The following HMGCLL1 variants were observed in gnomAD, a reference collection of about 807,000 sequenced individuals.
The protein encoded by HMGCLL1 is 3-hydroxy-3-methylglutaryl-CoA lyase like 1.
In HMGCLL1, 36 loss-of-function variants were observed where a neutral mutation model predicts 39.1. That is an observed-to-expected ratio of 0.92 (90% confidence interval 0.71 to 1.22). The LOEUF (loss-of-function observed/expected upper bound fraction) is 1.22. Among genes scored for constraint, HMGCLL1 ranks in the 50% most tolerant of loss-of-function variants. HMGCLL1 has a pLI of 0.00. For synonymous variants in HMGCLL1, 149 were observed against 144.0 expected (o/e 1.03, Z -0.25); for missense variants, 451 against 416.5 (o/e 1.08, Z -0.72).
At chr6:55,600,201 T>C in the HMGCLL1 span, among the ~76,000 whole-genome samples, 2 of 152,156 alleles carry the variant, frequency 1.3e-5, no homozygotes, top group East Asian at 1.9e-4. Flanking sequence ...AAATTATTGT[T>C]GACATTTTAA....
upstream of HMGCLL1, among the ~76,000 whole-genome samples, chr6:55,580,505 C>A (rs1343043226): frequency 2.7e-5 from 4 of 149,282 alleles, no homozygotes; most frequent in Non-Finnish European, 1.5e-5. Context: ...AAGCTTCTCC[C>A]CCCAGGTTCA....
chr6:55,647,101 ATTC>A, the HMGCLL1 span, among the ~76,000 whole-genome samples: 1 of 152,010 alleles, frequency 6.6e-6, no homozygotes, highest in Admixed American at 6.6e-5. Context: ...CAATCAATGT[ATTC>A]TCTTGCAGAA....
At chr6:55,636,128 G>A in the HMGCLL1 span, among the ~76,000 whole-genome samples, 1 of 151,980 alleles carries the variant, frequency 6.6e-6, no homozygotes, top group South Asian at 2.1e-4. Context: ...ATATGACCTA[G>A]GACATCACAC....
At chr6:55,516,447 G>C (rs1767740062) in intron 4 of HMGCLL1, 61 bp downstream of exon 4, 3 of 1,093,222 alleles carry the variant, frequency 2.7e-6, no homozygotes, top group Non-Finnish European at 4.1e-6. Flanking sequence ...TTTTAACTTT[G>C]TAAATATCTT....
At chr6:55,663,689 C>T in the HMGCLL1 span, among the ~76,000 whole-genome samples, 1 of 151,826 alleles carries the variant, frequency 6.6e-6, no homozygotes, top group Middle Eastern at 3.4e-3. Context: ...TCTATCAGAT[C>T]CATTTGGTTC....
chr6:55,619,483 A>G, the HMGCLL1 span, among the ~76,000 whole-genome samples: 1 of 152,086 alleles, frequency 6.6e-6, no homozygotes, highest in African/African-American at 2.4e-5. Flanking sequence ...ACTTATATTT[A>G]AAATTAGTCA....
At position 55,514,044 on chromosome 6, in the gene HMGCLL1, G is replaced by A; in HGVS notation, c.542+4C>T. On this transcript the variant is annotated splice_donor_region_variant and intron_variant, in intron 5 of 8. Coordinates refer to ENST00000274901, the MANE Select transcript of HMGCLL1 (RefSeq NM_001042406.2). The stretch of plus-strand genomic sequence containing the variant: ...AAACAGAATTTGTGGGATTTCATAA[G>A]TACCCTCGTGCTGGAATATTCATGT... 6.2e-7 allele frequency: 1 copy of A among 1,609,160 alleles called. No individual in the cohort carries two copies. Among genetic ancestry groups the A allele is most frequent in the Non-Finnish European group, 8.5e-7 (1 of 1,178,504 alleles).
At chr6:55,525,310 T>C (rs1313861804) in intron 3 of HMGCLL1, among the ~76,000 whole-genome samples, 1 of 151,950 alleles carries the variant, frequency 6.6e-6, no homozygotes, top group Admixed American at 6.6e-5. Context: ...GTATAAGATA[T>C]TTGAAAAGGG....
In HMGCLL1 at chr6:55,573,835, C is replaced by A. The variant is rs114324530; in HGVS notation, c.108+5113G>T. 6.4e-3 allele frequency among the ~76,000 whole-genome samples: 970 copies of A among 152,088 alleles called. 7 individuals are homozygous for A. Among genetic ancestry groups the A allele is most frequent in the African/African-American group, 0.022 (911 of 41,500 alleles). ...ACCCAACAAACATCAAGTCATAGAT[C>A]CAAGAAGTGTTGTACATTATTAGCC... On this transcript the variant is annotated intron_variant, in intron 1 of 8. Transcript: ENST00000274901.
At chr6:55,633,863 G>A in the HMGCLL1 span, among the ~76,000 whole-genome samples, 102 of 152,080 alleles carry the variant, frequency 6.7e-4, 1 homozygote, top group African/African-American at 2.0e-3. Context: ...AGAAAGTAGA[G>A]GCAAAAGTGC....
chr6:55,578,593 T>C (rs1358202270), intron 1 of HMGCLL1, among the ~76,000 whole-genome samples: 1 of 152,246 alleles, frequency 6.6e-6, no homozygotes, highest in African/African-American at 2.4e-5. Context: ...CAAGGAGCAC[T>C]GAGAATAAGG....
chr6:55,619,981 A>G, the HMGCLL1 span, among the ~76,000 whole-genome samples: 1 of 152,022 alleles, frequency 6.6e-6, no homozygotes, highest in African/African-American at 2.4e-5. Context: ...TAACATAATG[A>G]CTTCCATTTC....
At chr6:55,651,939 T>C in the HMGCLL1 span, among the ~76,000 whole-genome samples, 1 of 152,068 alleles carries the variant, frequency 6.6e-6, no homozygotes, top group Non-Finnish European at 1.5e-5. Flanking sequence ...ACAGATTCTC[T>C]CTTTGGGTCA....
At chr6:55,516,272 C>A (rs1024697972) in intron 4 of HMGCLL1, among the ~76,000 whole-genome samples, 31 of 152,044 alleles carry the variant, frequency 2.0e-4, no homozygotes, top group Non-Finnish European at 5.9e-5. Flanking sequence ...CAAAAAAATG[C>A]AGAATTTTAC....
chr6:55,575,939 T>C (rs1287065103), intron 1 of HMGCLL1, among the ~76,000 whole-genome samples: 2 of 152,192 alleles, frequency 1.3e-5, no homozygotes, highest in South Asian at 4.1e-4. Flanking sequence ...ATGGTCTTCA[T>C]GGGCATGTGA....
rs780959840 is a variant in HMGCLL1, at chr6:55,435,644, G to A, written c.*18C>T. 46 of 1,432,754 alleles carry A rather than the reference G, an allele frequency of 3.2e-5. No individual in the cohort carries two copies. Among genetic ancestry groups the A allele is most frequent in the South Asian group, 1.3e-4 (11 of 83,772 alleles). The allele number at this position is 1,432,754 out of a possible 1,614,324, so 88.8% of individuals were successfully genotyped here. ...CTGAAATTGATCTTCTCAACGGTAC[G>A]TCATAAATCCATTCAAGTCAAGCAT... On this transcript the variant is annotated 3_prime_UTR_variant, in exon 9 of 9. Transcript: ENST00000274901.
At chr6:55,539,508 AT>A (rs779427103) in intron 3 of HMGCLL1, among the ~76,000 whole-genome samples, 10 of 152,104 alleles carry the variant, frequency 6.6e-5, no homozygotes, top group Non-Finnish European at 1.2e-4. Context: ...CTATACAGCC[AT>A]AAAAAGAATG....
At chr6:55,650,120 T>TACACACATATAC in the HMGCLL1 span, among the ~76,000 whole-genome samples, 3 of 79,944 alleles carry the variant, frequency 3.8e-5, no homozygotes, top group Non-Finnish European at 6.9e-5. Flanking sequence ...TATATATATA[T>TACACACATATAC]ATATATATAT....
chr6:55,511,634 A>C (rs1280351832), intron 5 of HMGCLL1, among the ~76,000 whole-genome samples: 1 of 152,116 alleles, frequency 6.6e-6, no homozygotes, highest in African/African-American at 2.4e-5. Context: ...AGACATGCTG[A>C]AGCATCTACT....
Sources: gnomAD v4.1 joint callset for allele counts (sites outside exome capture counted in the v4.1 genomes callset) on GRCh38, gnomAD v4.1.1 for gene constraint, MANE v1.5 for transcripts, NCBI Gene and HGNC (gene_info 2026-07-23, HGNC 2026-07-21) for gene names.